Variants in EXOC6 observed in about 807,000 individuals in gnomAD.
EXOC6 encodes the protein SEC15-like 1.
A neutral mutation model predicts 112.5 loss-of-function variants in EXOC6; 60 were observed. The observed-to-expected ratio is 0.53, with a 90% CI of 0.43 to 0.66. The LOEUF (loss-of-function observed/expected upper bound fraction) is 0.66, where lower values mean the gene tolerates loss of function less well. Ranked by LOEUF, EXOC6 falls within the 30% of genes least tolerant of loss-of-function variation. The pLI is 0.00. For missense variants in EXOC6, 855 were observed against 957.1 expected (o/e 0.89, Z 1.41); for synonymous variants, 295 against 308.0 (o/e 0.96, Z 0.44).
intron 12 of EXOC6, among the ~76,000 whole-genome samples, chr10:92,937,926 T>C (rs111949660): frequency 0.011 from 1,715 of 152,264 alleles, 19 homozygotes; most frequent in Non-Finnish European, 0.017. Context: ...GTTAGATCCA[T>C]AACAAAAAGG....
rs1844387464 is a variant in EXOC6, at chr10:93,014,120, A to G, written c.2096-74A>G. 9 of 1,076,180 alleles carry G rather than the reference A, an allele frequency of 8.4e-6. 1 individual carries two copies. Among genetic ancestry groups the G allele is most frequent in the Non-Finnish European group, 1.1e-5 (8 of 724,220 alleles). 66.7% of individuals were successfully genotyped at this position (1,076,180 alleles called of 1,614,324 possible). A position where few individuals can be genotyped will look rare whatever the true frequency, so the allele number is the denominator to read the frequency against. On this transcript the variant is annotated intron_variant, in intron 19 of 21. Coordinates refer to ENST00000260762, the MANE Select transcript of EXOC6 (RefSeq NM_019053.6). ...TTATAATGCATTTATAATGAGTAGA[A>G]ATTAATTTATCAGTTAAACTCTTGT...
intron 1 of EXOC6, among the ~76,000 whole-genome samples, chr10:92,851,406 G>A (rs558273789): frequency 7.2e-5 from 11 of 152,186 alleles, no homozygotes; most frequent in Non-Finnish European, 1.6e-4. Flanking sequence ...AGCACTTTGG[G>A]AGGCCGAGGC....
In EXOC6 at chr10:92,974,064, T is replaced by G; in HGVS notation, c.1785T>G (p.His595Gln). 6.3e-7 allele frequency: 1 copy of G among 1,589,958 alleles called. No individual in the cohort carries two copies. Among genetic ancestry groups the G allele is most frequent in the Non-Finnish European group, 8.5e-7 (1 of 1,174,352 alleles). The change falls in exon 18 of 22, where the codon CAT becomes CAG. Residue 595 changes from histidine to glutamine, a missense_variant. Coordinates refer to ENST00000260762, the MANE Select transcript of EXOC6 (RefSeq NM_019053.6). ...YGLSTFKDAR[H>Q]AAEGEIYTKL... is the part of the protein sequence containing the mutation. ...TTGTCCCATGTCAGGATGCTCGACA[T>G]GCAGCAGAAGGAGAAATATATACCA...
At chr10:92,962,964 C>G (rs1393319973) in intron 17 of EXOC6, among the ~76,000 whole-genome samples, 1 of 152,148 alleles carries the variant, frequency 6.6e-6, no homozygotes, top group Non-Finnish European at 1.5e-5. Flanking sequence ...ATTCTTGTTA[C>G]CTGCCTGGAC....
chr10:92,960,364 G>A (rs571437105), intron 17 of EXOC6, among the ~76,000 whole-genome samples: 30 of 152,156 alleles, frequency 2.0e-4, no homozygotes, highest in Admixed American at 9.8e-4. Flanking sequence ...AGTGGTGGAG[G>A]GATAACTAAG....
chr10:93,057,087 C>A, intron 21 of EXOC6, 51 bp downstream of exon 21: 1 of 921,136 alleles, frequency 1.1e-6, no homozygotes, highest in Non-Finnish European at 1.6e-6. Context: ...CCTTTTGATT[C>A]AGTGATAAAC....
intron 1 of EXOC6, among the ~76,000 whole-genome samples, chr10:92,863,736 C>T (rs1208419840): frequency 1.3e-5 from 2 of 151,836 alleles, no homozygotes; most frequent in East Asian, 1.9e-4. Context: ...CATGGTGAAA[C>T]CCCGTCTCTA....
At chr10:92,924,800 C>A (rs181902741) in intron 8 of EXOC6, among the ~76,000 whole-genome samples, 33 of 151,862 alleles carry the variant, frequency 2.2e-4, no homozygotes, top group Middle Eastern at 3.4e-3. Flanking sequence ...TACATTGTAC[C>A]CAATAGGTGA....
chr10:92,843,360 G>A (rs1349181933), intron 1 of EXOC6, among the ~76,000 whole-genome samples: 4 of 152,198 alleles, frequency 2.6e-5, no homozygotes, highest in African/African-American at 9.7e-5. Context: ...AAAGCCACTG[G>A]GAAGGATTAG....
At chr10:92,947,719 C>A (rs539844462) in intron 13 of EXOC6, among the ~76,000 whole-genome samples, 1 of 152,252 alleles carries the variant, frequency 6.6e-6, no homozygotes, top group South Asian at 2.1e-4. Flanking sequence ...ACCATCCTGG[C>A]TAACACGGTG....
chr10:93,051,809 T>C (rs57803621), intron 20 of EXOC6, among the ~76,000 whole-genome samples: 2,201 of 152,276 alleles, frequency 0.014, 54 homozygotes, highest in African/African-American at 0.05. Context: ...TTTAGGACTT[T>C]TGTTGTTTAA....
At chr10:93,043,579 TG>T (rs1370565818) in intron 20 of EXOC6, among the ~76,000 whole-genome samples, 1 of 152,218 alleles carries the variant, frequency 6.6e-6, no homozygotes, top group Non-Finnish European at 1.5e-5. Context: ...TAGTGTAAGA[TG>T]ATTATGCAAA....
intron 13 of EXOC6, among the ~76,000 whole-genome samples, chr10:92,946,406 TAAAA>T (rs1853009744): frequency 6.6e-6 from 1 of 151,882 alleles, no homozygotes; most frequent in South Asian, 2.1e-4. Flanking sequence ...AAAAAAAAAT[TAAAA>T]AAAGTAAAGC....
intron 1 of EXOC6, among the ~76,000 whole-genome samples, chr10:92,876,296 A>G (rs1366262688): frequency 6.6e-6 from 1 of 152,222 alleles, no homozygotes; most frequent in Non-Finnish European, 1.5e-5. Context: ...AATAGCTAAC[A>G]TCTATTGAAC....
intron 18 of EXOC6, 51 bp downstream of exon 18, chr10:92,974,283 AT>A: frequency 7.7e-7 from 1 of 1,292,696 alleles, no homozygotes; most frequent in Non-Finnish European, 1.0e-6. Flanking sequence ...ACTAAAGTAT[AT>A]TTTAGAATTT....
At chr10:92,857,799 G>A (rs1003869284) in intron 1 of EXOC6, among the ~76,000 whole-genome samples, 3 of 152,032 alleles carry the variant, frequency 2.0e-5, no homozygotes, top group Non-Finnish European at 2.9e-5. Flanking sequence ...GTCTGTGTGT[G>A]TCTGGTCTGT....
At chr10:93,030,427 A>G (rs1035480818) in intron 20 of EXOC6, among the ~76,000 whole-genome samples, 2 of 152,274 alleles carry the variant, frequency 1.3e-5, no homozygotes, top group Non-Finnish European at 2.9e-5. Flanking sequence ...AGATAATTTT[A>G]TGAAGTTTGA....
chr10:93,025,631 G>A (rs1001662978), intron 20 of EXOC6, among the ~76,000 whole-genome samples: 2 of 152,084 alleles, frequency 1.3e-5, no homozygotes, highest in Admixed American at 6.5e-5. Flanking sequence ...TTAATTTTGG[G>A]CAAACTAGAG....
intron 1 of EXOC6, among the ~76,000 whole-genome samples, chr10:92,873,455 A>C (rs1461090227): frequency 6.6e-6 from 1 of 152,056 alleles, no homozygotes; most frequent in Non-Finnish European, 1.5e-5. Context: ...CAACATCAGA[A>C]ATATACAGAA....
Sources: gnomAD v4.1 joint callset for allele counts (sites outside exome capture counted in the v4.1 genomes callset) on GRCh38, gnomAD v4.1.1 for gene constraint, MANE v1.5 for transcripts, NCBI Gene and HGNC (gene_info 2026-07-23, HGNC 2026-07-21) for gene names.